BEND6: variants seen among roughly 807,000 people sequenced by gnomAD.
BEND6 encodes the protein BEN domain-containing protein 6.
Under a neutral mutation model 31.8 loss-of-function variants are expected in BEND6, and 24 were observed. The observed-to-expected ratio is 0.75, with a 90% CI of 0.55 to 1.06. The LOEUF (loss-of-function observed/expected upper bound fraction) is 1.06. BEND6 is among the 50% of genes least tolerant of loss of function. BEND6 has a pLI of 0.00. For synonymous variants in BEND6, 109 were observed against 114.6 expected (o/e 0.95, Z 0.31); for missense variants, 294 against 327.4 (o/e 0.90, Z 0.79).
intron 1 of BEND6, among the ~76,000 whole-genome samples, chr6:56,969,178 G>C (rs573296749): frequency 7.6e-4 from 116 of 152,292 alleles, no homozygotes; most frequent in African/African-American, 2.7e-3. Context: ...CTAGAAGTCA[G>C]AACACTTTGG....
At chr6:56,958,736 G>A (rs1046086109) in intron 1 of BEND6, among the ~76,000 whole-genome samples, 1 of 152,170 alleles carries the variant, frequency 6.6e-6, no homozygotes, top group African/African-American at 2.4e-5. Context: ...TAGCAAAGTG[G>A]TCGAAGCCAA....
chr6:57,002,869 C>T (rs2127876042), intron 3 of BEND6, among the ~76,000 whole-genome samples: 1 of 151,990 alleles, frequency 6.6e-6, no homozygotes, highest in Admixed American at 6.6e-5. Flanking sequence ...AAGAACTAAA[C>T]AAAATTGAGA....
intron 3 of BEND6, among the ~76,000 whole-genome samples, chr6:56,997,292 T>C (rs1826756087): frequency 6.6e-6 from 1 of 152,184 alleles, no homozygotes; most frequent in South Asian, 2.1e-4. Context: ...TTCCGTGACC[T>C]TCCTCCCATC....
intron 1 of BEND6, among the ~76,000 whole-genome samples, chr6:56,971,200 G>A (rs1015402236): frequency 6.6e-6 from 1 of 152,036 alleles, no homozygotes; most frequent in Non-Finnish European, 1.5e-5. Flanking sequence ...GACTATTCTG[G>A]TACCTCATGT....
chr6:56,965,356 G>A (rs1402532570), intron 1 of BEND6, among the ~76,000 whole-genome samples: 1 of 151,994 alleles, frequency 6.6e-6, no homozygotes, highest in Non-Finnish European at 1.5e-5. Flanking sequence ...CTTAACTTTT[G>A]ATAGTATAAA....
chr6:57,011,715 C>CAA (rs770049459), intron 3 of BEND6, among the ~76,000 whole-genome samples: 2,560 of 34,020 alleles, frequency 0.075, 115 homozygotes, highest in East Asian at 0.21. Flanking sequence ...GGCCCTGTCT[C>CAA]AAAAAAAAAA....
intron 6 of BEND6, among the ~76,000 whole-genome samples, chr6:57,025,816 C>T (rs761651472): frequency 6.6e-6 from 1 of 151,902 alleles, no homozygotes; most frequent in Non-Finnish European, 1.5e-5. Flanking sequence ...TTCTCTGTGG[C>T]CTGGGAAACT....
chr6:57,002,835 GAAGAA>G (rs1361723292), intron 3 of BEND6, among the ~76,000 whole-genome samples: 8 of 152,018 alleles, frequency 5.3e-5, no homozygotes, highest in Non-Finnish European at 1.2e-4. Context: ...AAAGCTAGCA[GAAGAA>G]AAGAAATCAC....
At chr6:56,959,419 A>G (rs1211889903) in intron 1 of BEND6, among the ~76,000 whole-genome samples, 5 of 152,260 alleles carry the variant, frequency 3.3e-5, no homozygotes, top group Non-Finnish European at 7.3e-5. Context: ...AGGACATTAC[A>G]TTGAAATATT....
At chr6:56,987,725 T>C (rs1205749356) in intron 2 of BEND6, among the ~76,000 whole-genome samples, 1 of 152,166 alleles carries the variant, frequency 6.6e-6, no homozygotes, top group African/African-American at 2.4e-5. Flanking sequence ...AGGCTTTCTT[T>C]ATGTTATACC....
intron 5 of BEND6, 121 bp downstream of exon 5, chr6:57,017,520 C>A: frequency 1.3e-6 from 1 of 793,876 alleles, no homozygotes; most frequent in Non-Finnish European, 1.7e-6. Flanking sequence ...AAAGAAAAAT[C>A]TTAGGATAGT....
At chr6:57,024,240 A>T (rs1454282795) in intron 6 of BEND6, among the ~76,000 whole-genome samples, 1 of 152,198 alleles carries the variant, frequency 6.6e-6, no homozygotes, top group Non-Finnish European at 1.5e-5. Context: ...TTATGAGTGG[A>T]TTGTAAATGA....
chr6:57,008,044 A>G (rs1410355833), intron 3 of BEND6: 2 of 646,420 alleles, frequency 3.1e-6, no homozygotes, highest in Admixed American at 2.3e-5. Flanking sequence ...GCCTAAGTCT[A>G]CTGGTAACTA....
intron 6 of BEND6, among the ~76,000 whole-genome samples, chr6:57,022,506 C>G (rs1382141569): frequency 2.0e-5 from 3 of 151,212 alleles, no homozygotes; most frequent in South Asian, 4.2e-4. Context: ...ATTTATTTGG[C>G]CTTCTCTTTG....
rs1826538556 is a variant in BEND6 at position 56,992,417 on chromosome 6, A to C, written c.160A>C (p.Ser54Arg). Residue 54 changes from serine to arginine, a missense_variant, in exon 3 of 7, where the codon AGC (serine) becomes CGC (arginine). Coordinates refer to ENST00000370746, the MANE Select transcript of BEND6 (RefSeq NM_152731.3). ...YSGNAFLPGE[S>R]SSEDEEPLAE... The stretch of plus-strand genomic sequence containing the variant: ...GGGAAATGCCTTTCTGCCTGGTGAA[A>C]GCTCCAGTGAGGATGAAGAGCCTTT... 1 of 1,612,666 alleles carries C rather than the reference A, an allele frequency of 6.2e-7. No homozygotes were observed. Among genetic ancestry groups the C allele is most frequent in the East Asian group, 2.2e-5 (1 of 44,872 alleles).
chr6:56,976,265 G>A (rs1048061216), intron 1 of BEND6, among the ~76,000 whole-genome samples: 1 of 148,324 alleles, frequency 6.7e-6, no homozygotes, highest in Middle Eastern at 3.4e-3. Flanking sequence ...GCGCGATCTC[G>A]ACTCACTGCA....
chr6:56,990,029 G>C (rs1718801198), intron 2 of BEND6, among the ~76,000 whole-genome samples: 1 of 151,928 alleles, frequency 6.6e-6, no homozygotes, highest in South Asian at 2.1e-4. Flanking sequence ...TTTTGTTTTT[G>C]ATGTTTAAAT....
At chr6:56,968,312 C>CTTTTTTTTTTTTTTTTTTTTTTTTTTTTT (rs779756084) in intron 1 of BEND6, among the ~76,000 whole-genome samples, 3 of 65,988 alleles carry the variant, frequency 4.5e-5, no homozygotes, top group African/African-American at 1.3e-4. Flanking sequence ...TCTTTCTTTT[C>CTTTTTTTTTTTTTTTTTTTTTTTTTTTTT]TTTTTTTTTT....
chr6:57,015,907 T>C (rs1470486249), intron 4 of BEND6, among the ~76,000 whole-genome samples: 1 of 151,880 alleles, frequency 6.6e-6, no homozygotes, highest in African/African-American at 2.4e-5. Flanking sequence ...AGGTCTTCTC[T>C]GAGGAAGTCA....
Sources: allele counts gnomAD v4.1 joint callset (sites outside exome capture counted in the v4.1 genomes callset), GRCh38; gene constraint gnomAD v4.1.1; transcripts MANE v1.5; gene names NCBI Gene and HGNC (gene_info 2026-07-23, HGNC 2026-07-21).